The following PPP1R13B variants were observed in gnomAD, a reference collection of about 807,000 sequenced individuals.
PPP1R13B encodes the protein protein phosphatase 1 regulatory subunit 13B.
A neutral mutation model predicts 119.8 loss-of-function variants in PPP1R13B; 44 were observed. The ratio of observed to expected loss-of-function variants is 0.37; its 90% confidence interval spans 0.29 to 0.47. PPP1R13B has a LOEUF of 0.47. Ranked by LOEUF, PPP1R13B falls within the 20% of genes least tolerant of loss-of-function variation. The pLI is 0.99. For missense variants in PPP1R13B, 1,227 were observed against 1,413.5 expected, an observed-to-expected ratio of 0.87 and a Z score of 2.12; for synonymous variants, 542 against 561.5, an observed-to-expected ratio of 0.97 and a Z score of 0.49.
chr14:103,800,530 T>C (rs551365690), intron 1 of PPP1R13B, among the ~76,000 whole-genome samples: 1 of 151,980 alleles, frequency 6.6e-6, no homozygotes, highest in Middle Eastern at 3.4e-3. Context: ...GGCCCGCGCC[T>C]CTAGTCCCAG....
chr14:103,829,647 C>A (rs1002014377), intron 1 of PPP1R13B, among the ~76,000 whole-genome samples: 1 of 152,164 alleles, frequency 6.6e-6, no homozygotes, highest in Non-Finnish European at 1.5e-5. Flanking sequence ...TCTCACTATG[C>A]CACCTAGGCT....
chr14:103,802,775 G>C (rs1162961824), intron 1 of PPP1R13B, among the ~76,000 whole-genome samples: 2 of 152,096 alleles, frequency 1.3e-5, no homozygotes, highest in Non-Finnish European at 2.9e-5. Flanking sequence ...TGAGGGAGGG[G>C]GAGAGGCACG....
chr14:103,796,888 C>T (rs1467400985), intron 2 of PPP1R13B, among the ~76,000 whole-genome samples: 1 of 152,048 alleles, frequency 6.6e-6, no homozygotes, highest in Non-Finnish European at 1.5e-5. Context: ...ACCCAGGAGG[C>T]GGAGGTTGCA....
At position 103,838,300 on chromosome 14, in the gene PPP1R13B, T is replaced by C. The variant is rs149210770; in HGVS notation, c.9+8999A>G. On this transcript the variant is annotated intron_variant, in intron 1 of 16. Transcript: ENST00000202556. ...CCTTCCACATCATATCTTTCTTCAT[T>C]CAACAAATATTTATTTAGCACCAAC... 9.6e-4 allele frequency among the ~76,000 whole-genome samples: 146 copies of C among 152,098 alleles called. 3 individuals are homozygous for C. In the East Asian group the frequency reaches 0.021, roughly 22 times the overall value.
At chr14:103,814,397 T>C (rs2887282) in intron 1 of PPP1R13B, among the ~76,000 whole-genome samples, 67,786 of 152,082 alleles carry the variant, frequency 0.45, 15,603 homozygotes, top group African/African-American at 0.56. Flanking sequence ...GTCCCAAGTC[T>C]GCTGAACTAA....
At chr14:103,845,555 AC>A (rs2087010113) in intron 1 of PPP1R13B, among the ~76,000 whole-genome samples, 1 of 152,184 alleles carries the variant, frequency 6.6e-6, no homozygotes, top group South Asian at 2.1e-4. Flanking sequence ...TAAAAAGGAA[AC>A]CTGTGAAGGT....
At chr14:103,804,036 C>T (rs2085962451) in intron 1 of PPP1R13B, 2 of 983,168 alleles carry the variant, frequency 2.0e-6, no homozygotes. Context: ...GGAACAGTAT[C>T]TGTGACTCAT....
rs1476964458 is a variant in PPP1R13B at position 103,753,037 on chromosome 14, G to A, written c.791C>T (p.Ala264Val). Reference protein sequence around the residue: ...QSYNGKLTGPAAVELKRLYQE... With the variant: ...QSYNGKLTGPVAVELKRLYQE... ...GTACAGTCTTTTTAACTCCACCGCC[G>A]CTGGTCCCGTCAATTTGCCATTGTA... Residue 264 changes from alanine (A) to valine (V), a missense_variant, in exon 7 of 17, where the codon GCG (alanine) becomes GTG (valine). By Grantham distance (64) the Ala-to-Val change is moderately conservative. Coordinates refer to ENST00000202556, the MANE Select transcript of PPP1R13B (RefSeq NM_015316.3). 8 of 1,613,970 alleles carry A rather than the reference G, an allele frequency of 5.0e-6. No homozygotes were observed. The highest frequency in any genetic ancestry group is 2.7e-5 in the African/African-American group (2 of 74,896).
chr14:103,768,156 C>T (rs1190819767), intron 4 of PPP1R13B, among the ~76,000 whole-genome samples: 3 of 151,456 alleles, frequency 2.0e-5, no homozygotes, highest in Non-Finnish European at 4.4e-5. Flanking sequence ...ACTCTGTCAC[C>T]CAGGCTGGAG....
chr14:103,790,835 T>C (rs1341542091), intron 2 of PPP1R13B, among the ~76,000 whole-genome samples: 4 of 152,204 alleles, frequency 2.6e-5, no homozygotes, highest in Non-Finnish European at 5.9e-5. Flanking sequence ...CGAAACCTCA[T>C]CTCTACAAGA....
intron 1 of PPP1R13B, chr14:103,846,987 C>T: frequency 1.7e-6 from 2 of 1,183,224 alleles, no homozygotes; most frequent in Non-Finnish European, 2.1e-6. Context: ...CAGACCTGTG[C>T]CCCAGCGTCC....
rs144306116 is a variant in PPP1R13B at position 103,769,758 on chromosome 14, G to A, written c.354+8987C>T. On this transcript the variant is annotated intron_variant, in intron 4 of 16. Coordinates refer to ENST00000202556, the MANE Select transcript of PPP1R13B (RefSeq NM_015316.3). ...AGAGTAGGTTTTACTTGCCCATTTA[G>A]CAAACAAAAAATAGGTGATAATGAT... Among the ~76,000 whole-genome samples the A allele has an allele frequency of 5.1e-4, 78 of 152,046 alleles. 1 individual carries two copies. The East Asian group carries it at 0.01, about 20-fold the overall frequency.
intron 1 of PPP1R13B, among the ~76,000 whole-genome samples, chr14:103,841,851 C>T (rs2152088129): frequency 6.6e-6 from 1 of 152,278 alleles, no homozygotes; most frequent in East Asian, 1.9e-4. Context: ...TAGAGAACTT[C>T]ATGCAAGTAT....
At chr14:103,793,363 A>C (rs2085676021) in intron 2 of PPP1R13B, among the ~76,000 whole-genome samples, 1 of 151,158 alleles carries the variant, frequency 6.6e-6, no homozygotes, top group South Asian at 2.1e-4. Flanking sequence ...TTCTCATGAT[A>C]GTGAGTGAGT....
chr14:103,820,061 G>C (rs533993361), intron 1 of PPP1R13B, among the ~76,000 whole-genome samples: 2 of 152,214 alleles, frequency 1.3e-5, no homozygotes, highest in East Asian at 3.9e-4. Flanking sequence ...ACCTGCCAAC[G>C]GGTACAGAGA....
At chr14:103,765,635 C>G (rs1479573523) in intron 4 of PPP1R13B, among the ~76,000 whole-genome samples, 3 of 152,202 alleles carry the variant, frequency 2.0e-5, no homozygotes. Context: ...CCAACACTTT[C>G]CTGTGAGCAT....
At chr14:103,786,765 T>TAAAAAA in intron 2 of PPP1R13B, among the ~76,000 whole-genome samples, 1 of 26,520 alleles carries the variant, frequency 3.8e-5, no homozygotes, top group African/African-American at 2.5e-4. Context: ...AAACTCTGTC[T>TAAAAAA]CAAAAAAAAA....
intron 2 of PPP1R13B, among the ~76,000 whole-genome samples, chr14:103,785,516 CCTT>C: frequency 7.6e-6 from 1 of 131,922 alleles, no homozygotes; most frequent in Non-Finnish European, 1.6e-5. Context: ...TCACACTCAG[CCTT>C]TTTTTTTTTT....
chr14:103,804,886 G>C (rs1424301274), intron 1 of PPP1R13B, among the ~76,000 whole-genome samples: 1 of 152,188 alleles, frequency 6.6e-6, no homozygotes, highest in East Asian at 1.9e-4. Context: ...AGTCCAGCTG[G>C]AGTGCAGTGG....
Sources: allele counts gnomAD v4.1 joint callset (sites outside exome capture counted in the v4.1 genomes callset), GRCh38; gene constraint gnomAD v4.1.1; transcripts MANE v1.5; gene names NCBI Gene and HGNC (gene_info 2026-07-23, HGNC 2026-07-21).